SRPRA: variants seen among roughly 807,000 people sequenced by gnomAD.
SRPRA encodes SRP receptor subunit alpha.
SRPRA carries 30 observed loss-of-function variants against 61.1 expected under a neutral mutation model. That is an observed-to-expected ratio of 0.49 (90% CI 0.37 to 0.67). The LOEUF is 0.67. Among genes scored for constraint, SRPRA ranks in the 30% least tolerant of loss-of-function variants. The pLI is 0.00. For synonymous variants in SRPRA, 324 were observed against 299.7 expected (o/e 1.08, Z -0.84); for missense variants, 759 against 828.4 (o/e 0.92, Z 1.03).
chr11:126,246,529 A>G, the SRPRA span, among the ~76,000 whole-genome samples: 6 of 152,218 alleles, frequency 3.9e-5, no homozygotes, highest in Non-Finnish European at 8.8e-5. Context: ...TAATGTGTAT[A>G]AAATGTCTGG....
In SRPRA at chr11:126,268,836, C is replaced by T. The variant is rs1950880844; in HGVS notation, c.-32G>A. The T allele has an allele frequency of 2.5e-6, 4 of 1,581,776 alleles. No individual in the cohort carries two copies. The highest frequency in any genetic ancestry group is 3.5e-6 in the Non-Finnish European group (4 of 1,152,252). On this transcript the variant is annotated 5_prime_UTR_variant, in exon 1 of 14. Coordinates refer to ENST00000332118, the MANE Select transcript of SRPRA (RefSeq NM_003139.4). ...AGCGGCAGAGGAGCTGGGGCCGGCG[C>T]CGGGAATTCAGGCCGCGTTCGCCGC...
In SRPRA at chr11:126,268,073, T is replaced by C; in HGVS notation, c.131A>G (p.Asn44Ser). Residue 44 changes from asparagine to serine, a missense_variant, in exon 2 of 14, where the codon AAC (asparagine) becomes AGC (serine). Physicochemically the swap from Asn to Ser is conservative, Grantham distance 46. Around this residue, in one of 2 missense-constraint regions of SRPRA, gnomAD observed 475 missense variants for 462.5 expected, o/e 1.03. Coordinates refer to ENST00000332118, the MANE Select transcript of SRPRA (RefSeq NM_003139.4). ...RSVLLQERGG[N>S]NSFTHEALTL... ...GAGTGCCTCATGGGTGAAGGAGTTG[T>C]TACCTCCCCGTTCCTGGAGAAAGAG... 6.2e-7 allele frequency: 1 copy of C among 1,614,072 alleles called. No individual in the cohort carries two copies. The highest frequency in any genetic ancestry group is 8.5e-7 in the Non-Finnish European group (1 of 1,179,992).
At chr11:126,241,347 C>T in the SRPRA span, 1 of 247,158 alleles carries the variant, frequency 4.0e-6, no homozygotes, top group Non-Finnish European at 7.7e-6. Context: ...ACTATAAAAG[C>T]TGTGTTCTGT....
chr11:126,251,377 G>A, the SRPRA span, among the ~76,000 whole-genome samples: 16,456 of 152,270 alleles, frequency 0.11, 1,161 homozygotes, highest in Non-Finnish European at 0.16. Context: ...GCCCAACTAA[G>A]TAGAGTTGAA....
the SRPRA span, among the ~76,000 whole-genome samples, chr11:126,235,973 T>G: frequency 1.3e-5 from 2 of 152,264 alleles, no homozygotes; most frequent in African/African-American, 2.4e-5. Context: ...TTGCTTTCAA[T>G]GTATTCTCAC....
the SRPRA span, among the ~76,000 whole-genome samples, chr11:126,249,452 G>T: frequency 1.3e-5 from 2 of 150,968 alleles, no homozygotes; most frequent in Non-Finnish European, 3.0e-5. Flanking sequence ...AGATGCTGAG[G>T]CTGGGTGTGG....
rs746389073 is a variant in SRPRA at position 126,266,547 on chromosome 11, CTTT to C, written c.766_768del (p.Lys256del). 24 of 1,614,092 alleles carry C rather than the reference CTTT, an allele frequency of 1.5e-5. No individual in the cohort carries two copies. In the East Asian group the frequency reaches 3.3e-4, roughly 22 times the overall value. On this transcript the variant is annotated inframe_deletion, in exon 6 of 14. Transcript: ENST00000332118. ...GTGGGAGTACTGTAATCCAACACTT[CTTT>C]GTTAGCACAGCCACCCAGTTCCCAC...
Position 126,268,873 on chromosome 11 carries a change from G to C in SRPRA, c.-69C>G. The C allele has an allele frequency of 7.6e-7, 1 of 1,317,050 alleles. No homozygotes were observed. Among genetic ancestry groups the C allele is most frequent in the Non-Finnish European group, 1.1e-6 (1 of 917,000 alleles). The allele number at this position is 1,317,050 out of a possible 1,614,324, so 81.6% of individuals were successfully genotyped here. On this transcript the variant is annotated 5_prime_UTR_variant, in exon 1 of 14. Coordinates refer to ENST00000332118, the MANE Select transcript of SRPRA (RefSeq NM_003139.4). ...GCCGCGTTCGCCGCCGCTTCCTGCT[G>C]CGCCAAGCGCGGGACACGTCACACC... is the stretch of plus-strand genomic sequence containing the variant.
Position 126,268,886 on chromosome 11 carries a change from G to A in SRPRA, c.-82C>T, listed in dbSNP as rs968121210. Reference sequence around the variant, plus strand: ...CCGCTTCCTGCTGCGCCAAGCGCGGGACACGTCACACCAGTGGCCCCGGAA... The same window carrying A: ...CCGCTTCCTGCTGCGCCAAGCGCGGAACACGTCACACCAGTGGCCCCGGAA... On this transcript the variant is annotated 5_prime_UTR_variant, in exon 1 of 14. Transcript: ENST00000332118. The A allele has an allele frequency of 4.3e-6, 5 of 1,174,014 alleles. No homozygotes were observed. Among genetic ancestry groups the A allele is most frequent in the Admixed American group, 1.8e-5 (1 of 55,750 alleles). The allele number at this position is 1,174,014 out of a possible 1,614,324, so 72.7% of individuals were successfully genotyped here.
In SRPRA at chr11:126,265,617, A is replaced by C; in HGVS notation, c.1138+120T>G. 7.8e-7 allele frequency: 1 copy of C among 1,274,840 alleles called. No individual in the cohort carries two copies. The highest frequency in any genetic ancestry group is 1.1e-6 in the Non-Finnish European group (1 of 901,086). The allele number at this position is 1,274,840 out of a possible 1,614,324, so 79.0% of individuals were successfully genotyped here. On this transcript the variant is annotated intron_variant, in intron 9 of 13. Coordinates refer to ENST00000332118, the MANE Select transcript of SRPRA (RefSeq NM_003139.4). This position sits in a 1 kb window ranked among gnomAD's most constrained non-coding sequence, Gnocchi z 6.3. ...ACTGAATCCTCTCAATAACCCTTAA[A>C]ATCTAGGTTACAGAGGTTTAGAGGT...
the SRPRA span, chr11:126,256,593 C>T: frequency 1.2e-6 from 2 of 1,613,738 alleles, no homozygotes; most frequent in Non-Finnish European, 1.7e-6. The surrounding 1 kb of genome is among the most constrained non-coding windows in gnomAD (Gnocchi z 6.6). Context: ...TCTACGAAAA[C>T]AAGTCATTTC....
the SRPRA span, among the ~76,000 whole-genome samples, chr11:126,237,215 C>CTTTTTTTT: frequency 5.6e-4 from 24 of 43,108 alleles, 2 homozygotes; most frequent in East Asian, 1.8e-3. Flanking sequence ...CGCGCCTGGC[C>CTTTTTTTT]TTTTTTTTTT....
the SRPRA span, among the ~76,000 whole-genome samples, chr11:126,236,808 T>C: frequency 6.6e-6 from 1 of 151,960 alleles, no homozygotes; most frequent in East Asian, 1.9e-4. Flanking sequence ...TCTCGGGGGT[T>C]CTCTGTTTTA....
At chr11:126,255,799 G>A in the SRPRA span, among the ~76,000 whole-genome samples, 2 of 147,126 alleles carry the variant, frequency 1.4e-5, no homozygotes, top group Non-Finnish European at 3.0e-5. This position sits in a 1 kb window ranked among gnomAD's most constrained non-coding sequence, Gnocchi z 4.6. Flanking sequence ...CTAAAAATAG[G>A]AAAATTAGCT....
chr11:126,261,715 G>A (rs995496064), downstream of SRPRA, among the ~76,000 whole-genome samples: 1 of 152,164 alleles, frequency 6.6e-6, no homozygotes, highest in African/African-American at 2.4e-5. Flanking sequence ...ACTGCTGGGT[G>A]TGGTGGCTCA....
At chr11:126,237,215 CTTTTTTTTT>C in the SRPRA span, among the ~76,000 whole-genome samples, 1 of 43,100 alleles carries the variant, frequency 2.3e-5, no homozygotes, top group Non-Finnish European at 4.0e-5. Flanking sequence ...CGCGCCTGGC[CTTTTTTTTT>C]TTTTTTTTTT....
chr11:126,265,190 G>A lies in SRPRA; in HGVS notation c.1312-18C>T, dbSNP rs1565345763. On this transcript the variant is annotated intron_variant, in intron 10 of 13. Transcript: ENST00000332118. The surrounding 1 kb of genome is among the most constrained non-coding windows in gnomAD (Gnocchi z 6.3). The stretch of plus-strand genomic sequence containing the variant: ...AAGGAAATCTGTGAAAAAGACGTAA[G>A]AAAAGTCACCTAAAGCCAGGATTTT... The A allele has an allele frequency of 1.2e-6, 2 of 1,614,028 alleles. No homozygotes were observed. The highest frequency in any genetic ancestry group is 2.2e-5 in the South Asian group (2 of 91,072).
In SRPRA at chr11:126,267,784, C is replaced by T. The variant is rs1029359709; in HGVS notation, c.202-72G>A. On this transcript the variant is annotated intron_variant, in intron 2 of 13. Coordinates refer to ENST00000332118, the MANE Select transcript of SRPRA (RefSeq NM_003139.4). This position sits in a 1 kb window ranked among gnomAD's most constrained non-coding sequence, Gnocchi z 4.2. Reference sequence around the variant, plus strand: ...TAGAATGGAGGGACGCCAACTCAACCCTGGCTTTCAGAGATAGGTTCAGCT... The same window carrying T: ...TAGAATGGAGGGACGCCAACTCAACTCTGGCTTTCAGAGATAGGTTCAGCT... The T allele has an allele frequency of 5.0e-6, 8 of 1,587,968 alleles. No homozygotes were observed. The African/African-American group carries it at 9.4e-5, about 19-fold the overall frequency.
At chr11:126,253,798 G>T in the SRPRA span, among the ~76,000 whole-genome samples, 1 of 152,168 alleles carries the variant, frequency 6.6e-6, no homozygotes, top group Non-Finnish European at 1.5e-5. The surrounding 1 kb of genome is among the most constrained non-coding windows in gnomAD (Gnocchi z 5.1). Context: ...CACTTTCTTC[G>T]CATGGCAGCT....
Sources: gnomAD v4.1 joint callset for allele counts (sites outside exome capture counted in the v4.1 genomes callset) on GRCh38, gnomAD v4.1.1 for gene constraint, gnomAD v4.1.1 regional missense constraint, Gnocchi (gnomAD v3.1) non-coding constraint, MANE v1.5 for transcripts, NCBI Gene and HGNC (gene_info 2026-07-23, HGNC 2026-07-21) for gene names.